DPP10: variants seen among roughly 807,000 people sequenced by gnomAD.
The protein encoded by DPP10 is inactive dipeptidyl peptidase 10.
Under a neutral mutation model 120.9 loss-of-function variants are expected in DPP10, and 33 were observed. That is an observed-to-expected ratio of 0.27 (90% confidence interval 0.21 to 0.37). The LOEUF is 0.37. Ranked by LOEUF, DPP10 falls within the 10% of genes least tolerant of loss-of-function variation. The pLI is 1.00. For synonymous variants in DPP10, 337 were observed against 326.1 expected (o/e 1.03, Z -0.36); for missense variants, 816 against 942.8 (o/e 0.87, Z 1.76).
rs1369027267 is a variant in DPP10, at chr2:115,161,232, C to G, written c.61-148007C>G. On this transcript the variant is annotated intron_variant, in intron 1 of 25. Coordinates refer to ENST00000410059, the MANE Select transcript of DPP10 (RefSeq NM_020868.6). ...CAGCACCTCAGGCCACAATCTCAGA[C>G]ACGCCCTCGGGTCCCGACAGGTGTT... 2.0e-5 allele frequency: 3 copies of G among 152,422 alleles called. No individual in the cohort carries two copies. The East Asian group carries it at 5.8e-4, about 30-fold the overall frequency. The allele number at this position is 152,422 out of a possible 1,614,324, so 9.4% of individuals were successfully genotyped here.
At chr2:115,421,893 A>G (rs2070002397) in intron 3 of DPP10, among the ~76,000 whole-genome samples, 1 of 151,224 alleles carries the variant, frequency 6.6e-6, no homozygotes. Flanking sequence ...AAAAAAAAAA[A>G]AAAAGCAAGG....
At chr2:114,894,712 T>C (rs1692823271) in intron 1 of DPP10, among the ~76,000 whole-genome samples, 1 of 152,114 alleles carries the variant, frequency 6.6e-6, no homozygotes, top group Non-Finnish European at 1.5e-5. Context: ...AAAACCTACT[T>C]AATAAATGAA....
chr2:114,848,702 G>A (rs897997559), intron 1 of DPP10, among the ~76,000 whole-genome samples: 4 of 152,180 alleles, frequency 2.6e-5, no homozygotes, highest in African/African-American at 7.2e-5. Context: ...GCTTATCAGA[G>A]GTTTGTTTGA....
chr2:115,049,924 A>T (rs1043293317), intron 1 of DPP10, among the ~76,000 whole-genome samples: 13 of 152,226 alleles, frequency 8.5e-5, no homozygotes, highest in Non-Finnish European at 1.9e-4. Flanking sequence ...GCCAGTCATA[A>T]GATAACTGAA....
At position 114,810,013 on chromosome 2, in the gene DPP10, A is replaced by G. The variant is rs1029394947; in HGVS notation, c.60+367175A>G. Among the ~76,000 whole-genome samples, 4 of 152,160 alleles carry G rather than the reference A, an allele frequency of 2.6e-5. No homozygotes were observed. The East Asian group carries it at 5.8e-4, about 22-fold the overall frequency. On this transcript the variant is annotated intron_variant, in intron 1 of 25. Transcript: ENST00000410059. ...TGGAGTGGGACTCCCATGTCTTTCA[A>G]TGATCACTAGACATTTCCAACTAAA...
chr2:114,450,267 G>C (rs1678186939), intron 1 of DPP10, among the ~76,000 whole-genome samples: 1 of 152,080 alleles, frequency 6.6e-6, no homozygotes, highest in Non-Finnish European at 1.5e-5. Context: ...TTTTCTCAGT[G>C]AGAATTTTCT....
At chr2:114,791,759 A>C (rs1683260934) in intron 1 of DPP10, among the ~76,000 whole-genome samples, 2 of 152,200 alleles carry the variant, frequency 1.3e-5, no homozygotes, top group Non-Finnish European at 2.9e-5. Context: ...TAAGTGGAAG[A>C]AAACATCAGA....
chr2:115,791,453 CTA>C, intron 19 of DPP10, 97 bp downstream of exon 19: 1 of 1,077,214 alleles, frequency 9.3e-7, no homozygotes, highest in South Asian at 1.6e-5. Flanking sequence ...AAGAGAAGTC[CTA>C]TGTGTGTAGT....
chr2:114,716,888 C>G (rs1225510904), intron 1 of DPP10, among the ~76,000 whole-genome samples: 1 of 152,092 alleles, frequency 6.6e-6, no homozygotes, highest in Non-Finnish European at 1.5e-5. Context: ...ATACTTGACC[C>G]AATATATTGA....
At chr2:114,485,460 C>CT (rs1175079608) in intron 1 of DPP10, among the ~76,000 whole-genome samples, 23 of 137,286 alleles carry the variant, frequency 1.7e-4, no homozygotes, top group African/African-American at 6.9e-4. Flanking sequence ...TCAGGAAAAA[C>CT]TGTTTTTTTT....
At chr2:115,362,116 G>A (rs971573349) in intron 3 of DPP10, among the ~76,000 whole-genome samples, 43 of 152,036 alleles carry the variant, frequency 2.8e-4, no homozygotes, top group African/African-American at 9.2e-4. Context: ...CAGTCAATTC[G>A]AATGAGCCAT....
chr2:114,942,002 G>A (rs1284062336), intron 1 of DPP10, among the ~76,000 whole-genome samples: 2 of 151,930 alleles, frequency 1.3e-5, no homozygotes, highest in South Asian at 4.1e-4. Context: ...GGCCGGGTGC[G>A]GTGGCTCATG....
At chr2:115,034,509 A>G (rs1453163911) in intron 1 of DPP10, among the ~76,000 whole-genome samples, 1 of 152,194 alleles carries the variant, frequency 6.6e-6, no homozygotes, top group Non-Finnish European at 1.5e-5. Context: ...AACCAAACAC[A>G]TGATCTCCCA....
chr2:114,923,144 T>C (rs903823955), intron 1 of DPP10, among the ~76,000 whole-genome samples: 4 of 152,062 alleles, frequency 2.6e-5, no homozygotes, highest in Non-Finnish European at 4.4e-5. Context: ...TCATCAGATA[T>C]ATGATTTATA....
At chr2:115,351,054 A>G (rs1385173421) in intron 3 of DPP10, among the ~76,000 whole-genome samples, 2 of 152,106 alleles carry the variant, frequency 1.3e-5, no homozygotes, top group African/African-American at 2.4e-5. Context: ...CTTTCTACCA[A>G]AAAGACCCAT....
intron 1 of DPP10, among the ~76,000 whole-genome samples, chr2:114,755,270 A>C (rs969312153): frequency 6.6e-6 from 1 of 152,192 alleles, no homozygotes; most frequent in African/African-American, 2.4e-5. Context: ...ATTAGACTAG[A>C]AAGTGGTTAC....
At chr2:115,623,734 C>T (rs576282433) in intron 5 of DPP10, among the ~76,000 whole-genome samples, 1 of 152,118 alleles carries the variant, frequency 6.6e-6, no homozygotes, top group Admixed American at 6.5e-5. Context: ...GGAGGAGACT[C>T]TCCTCTTTGT....
intron 8 of DPP10, among the ~76,000 whole-genome samples, chr2:115,734,905 G>A (rs564249470): frequency 6.6e-6 from 1 of 151,614 alleles, no homozygotes; most frequent in South Asian, 2.1e-4. Context: ...CCCTTATCAT[G>A]AACAAGGTAA....
intron 1 of DPP10, among the ~76,000 whole-genome samples, chr2:114,593,878 A>G (rs1004796482): frequency 1.3e-5 from 2 of 152,130 alleles, no homozygotes; most frequent in African/African-American, 4.8e-5. Context: ...TAGGACACCC[A>G]AAGTGCCTTT....
Sources: gnomAD v4.1 joint callset for allele counts (sites outside exome capture counted in the v4.1 genomes callset) on GRCh38, gnomAD v4.1.1 for gene constraint, MANE v1.5 for transcripts, NCBI Gene and HGNC (gene_info 2026-07-23, HGNC 2026-07-21) for gene names.